NYAP2: variants seen among roughly 807,000 people sequenced by gnomAD.
NYAP2 encodes the protein neuronal tyrosine-phosphorylated phosphoinositide-3-kinase adaptor 2, also known as neuronal tyrosine-phosphorylated phosphoinositide-3-kinase adapter 2.
A neutral mutation model predicts 50.4 loss-of-function variants in NYAP2; 23 were observed. The observed-to-expected ratio is 0.46, with a 90% CI of 0.33 to 0.65. NYAP2 has a LOEUF of 0.65. NYAP2 is among the 30% of genes least tolerant of loss of function. NYAP2 has a pLI of 0.02. For missense variants in NYAP2, 885 were observed against 861.0 expected (o/e 1.03, Z -0.35); for synonymous variants, 394 against 365.2 (o/e 1.08, Z -0.90).
chr2:225,420,283 A>T (rs1695194504), intron 3 of NYAP2, among the ~76,000 whole-genome samples: 2 of 152,162 alleles, frequency 1.3e-5, no homozygotes, highest in African/African-American at 4.8e-5. Flanking sequence ...ATGAGCTGCT[A>T]TATTTTTACT....
chr2:225,425,326 G>A (rs1315173943), intron 3 of NYAP2, among the ~76,000 whole-genome samples: 2 of 152,168 alleles, frequency 1.3e-5, no homozygotes, highest in Non-Finnish European at 2.9e-5. Flanking sequence ...GACTGTGTGT[G>A]TGTTTGATCT....
chr2:225,531,467 T>C (rs1373033454), intron 4 of NYAP2, among the ~76,000 whole-genome samples: 1 of 152,232 alleles, frequency 6.6e-6, no homozygotes, highest in East Asian at 1.9e-4. Context: ...TATCTGCCTA[T>C]CTTTTTTGTA....
intron 4 of NYAP2, among the ~76,000 whole-genome samples, chr2:225,527,951 C>T (rs1270316096): frequency 6.6e-6 from 1 of 152,146 alleles, no homozygotes; most frequent in East Asian, 1.9e-4. Flanking sequence ...TGGGCCTAAT[C>T]TCCTTTCTTA....
intron 2 of NYAP2, among the ~76,000 whole-genome samples, chr2:225,402,674 A>G (rs1161589380): frequency 1.3e-5 from 2 of 152,050 alleles, no homozygotes; most frequent in African/African-American, 4.8e-5. Flanking sequence ...GAAAAAAGCA[A>G]TCAGTGTCTT....
At chr2:225,492,744 C>A (rs1256216297) in intron 3 of NYAP2, among the ~76,000 whole-genome samples, 4 of 151,950 alleles carry the variant, frequency 2.6e-5, no homozygotes, top group Non-Finnish European at 4.4e-5. Context: ...AGAGAGGGAA[C>A]AAGAGAGGGA....
chr2:225,423,406 T>C (rs1257805865), intron 3 of NYAP2, among the ~76,000 whole-genome samples: 1 of 152,192 alleles, frequency 6.6e-6, no homozygotes, highest in Non-Finnish European at 1.5e-5. Context: ...TTTAACACAA[T>C]TGGCCATCTT....
At chr2:225,490,945 A>C (rs1292308978) in intron 3 of NYAP2, among the ~76,000 whole-genome samples, 29 of 152,024 alleles carry the variant, frequency 1.9e-4, no homozygotes, top group Admixed American at 1.9e-3. Context: ...CTGTTATGGA[A>C]TTTTTCATTT....
Position 225,418,852 on chromosome 2 carries a change from A to T in NYAP2, c.221+9751A>T, listed in dbSNP as rs532161588. Among the ~76,000 whole-genome samples, 17 of 152,352 alleles carry T rather than the reference A, an allele frequency of 1.1e-4. No homozygotes were observed. In the Middle Eastern group the frequency reaches 0.01, roughly 91 times the overall value. On this transcript the variant is annotated intron_variant, in intron 3 of 6. Transcript: ENST00000636099. The stretch of plus-strand genomic sequence containing the variant: ...CTCTAAAAATTGTATACATATACAC[A>T]TCTAAGTTTCAGGAAAGTTTTTGTT...
At chr2:225,639,262 T>C (rs1693482724) in intron 6 of NYAP2, among the ~76,000 whole-genome samples, 1 of 152,222 alleles carries the variant, frequency 6.6e-6, no homozygotes, top group Non-Finnish European at 1.5e-5. Flanking sequence ...GGTATAATTT[T>C]TAAAAATTGC....
At chr2:225,457,980 A>G (rs987458861) in intron 3 of NYAP2, among the ~76,000 whole-genome samples, 1 of 152,014 alleles carries the variant, frequency 6.6e-6, no homozygotes, top group East Asian at 1.9e-4. Context: ...CTGGCAACTA[A>G]TTTTTTGGGC....
intron 6 of NYAP2, among the ~76,000 whole-genome samples, chr2:225,650,982 A>G (rs7595617): frequency 0.16 from 24,230 of 152,258 alleles, 2,198 homozygotes; most frequent in South Asian, 0.28. Flanking sequence ...AAGAAATGTT[A>G]CATTGAAAAC....
Position 225,582,376 on chromosome 2 carries a change from G to A in NYAP2, c.959G>A (p.Cys320Tyr). ...CCATGCCCCCCCAAGGGGCTGCTTTGCGACATCCCTCCGCCCTTCCCCAAC... is the reference window on the plus strand; with the variant it reads ...CCATGCCCCCCCAAGGGGCTGCTTTACGACATCCCTCCGCCCTTCCCCAAC... The change falls in exon 5 of 7, where the codon TGC (cysteine) becomes TAC (tyrosine). Residue 320 changes from cysteine to tyrosine, a missense_variant. Transcript: ENST00000636099. This position sits in a 1 kb window ranked among gnomAD's most constrained non-coding sequence, Gnocchi z 7.0. 1 of 1,611,702 alleles carries A rather than the reference G, an allele frequency of 6.2e-7. No homozygotes were observed. The highest frequency in any genetic ancestry group is 1.1e-5 in the South Asian group (1 of 91,014).
chr2:225,546,364 A>G (rs1691584881), intron 4 of NYAP2, among the ~76,000 whole-genome samples: 1 of 152,120 alleles, frequency 6.6e-6, no homozygotes, highest in South Asian at 2.1e-4. Context: ...CTGATGCTCT[A>G]TTCTACTGTT....
At chr2:225,464,888 G>T (rs761851005) in intron 3 of NYAP2, among the ~76,000 whole-genome samples, 4 of 152,076 alleles carry the variant, frequency 2.6e-5, no homozygotes, top group African/African-American at 7.2e-5. Flanking sequence ...ATGCGTGTTC[G>T]TTTTCCTCTT....
intron 2 of NYAP2, among the ~76,000 whole-genome samples, chr2:225,407,038 A>G (rs913823534): frequency 3.3e-5 from 5 of 152,050 alleles, no homozygotes; most frequent in African/African-American, 1.2e-4. Flanking sequence ...CATTATCTCT[A>G]GAATTCTTGT....
chr2:225,538,138 A>G (rs1286646309), intron 4 of NYAP2, among the ~76,000 whole-genome samples: 1 of 152,148 alleles, frequency 6.6e-6, no homozygotes, highest in Non-Finnish European at 1.5e-5. Flanking sequence ...TAGTGTCTGC[A>G]GTTTTTCCAG....
chr2:225,437,402 C>G (rs992741911), intron 3 of NYAP2, among the ~76,000 whole-genome samples: 4 of 152,156 alleles, frequency 2.6e-5, no homozygotes, highest in African/African-American at 9.7e-5. Context: ...TCAGCATGAG[C>G]TATAAGGTAG....
chr2:225,450,859 C>T (rs1328540207), intron 3 of NYAP2, among the ~76,000 whole-genome samples: 1 of 152,172 alleles, frequency 6.6e-6, no homozygotes, highest in Non-Finnish European at 1.5e-5. Context: ...TCCTGATGGC[C>T]CTGCCTTGTC....
chr2:225,452,118 C>T (rs1404865886), intron 3 of NYAP2, among the ~76,000 whole-genome samples: 1 of 152,126 alleles, frequency 6.6e-6, no homozygotes, highest in Admixed American at 6.5e-5. Flanking sequence ...TCAAATCTAT[C>T]CTGCTTCGTT....
Sources: gnomAD v4.1 joint callset for allele counts (sites outside exome capture counted in the v4.1 genomes callset) on GRCh38, gnomAD v4.1.1 for gene constraint, Gnocchi (gnomAD v3.1) non-coding constraint, MANE v1.5 for transcripts, NCBI Gene and HGNC (gene_info 2026-07-23, HGNC 2026-07-21) for gene names.